Variants in PARP4 observed in about 807,000 individuals in gnomAD.
PARP4 encodes protein mono-ADP-ribosyltransferase PARP4.
PARP4 carries 120 observed loss-of-function variants against 187.7 expected under a neutral mutation model. The ratio of observed to expected loss-of-function variants is 0.64; its 90% CI spans 0.55 to 0.74. The LOEUF (loss-of-function observed/expected upper bound fraction) is 0.74, where lower values mean the gene tolerates loss of function less well. PARP4 is among the 30% of genes least tolerant of loss of function. The pLI is 0.00. For synonymous variants in PARP4, 654 were observed against 740.9 expected, an observed-to-expected ratio of 0.88 and a Z score of 1.90; for missense variants, 1,836 against 2,070.5, an observed-to-expected ratio of 0.89 and a Z score of 2.20.
intron 30 of PARP4, among the ~76,000 whole-genome samples, chr13:24,439,498 A>G (rs9318540): frequency 0.94 from 143,002 of 152,216 alleles, 67,302 homozygotes; most frequent in East Asian, 0.99. Context: ...AACACTTAAC[A>G]TATGTAGCAG....
In PARP4 at chr13:24,459,264, C is replaced by T. The variant is rs1242196330; in HGVS notation, c.2345G>A (p.Ser782Asn). ...ICIKEIGTKQSFSLTMSIEMP... is the reference protein window; with the variant it reads ...ICIKEIGTKQNFSLTMSIEMP... The stretch of plus-strand genomic sequence containing the variant: ...CAGGTTTTATATTTTAGGTACTAAC[C>T]TTTGCTTTGTTCCTATTTCTTTTAT... Residue 782 changes from serine (S) to asparagine (N), a missense_variant and splice_region_variant, in exon 19 of 34, where the codon AGC (serine) becomes AAC (asparagine). Transcript: ENST00000381989. 1.3e-6 allele frequency: 2 copies of T among 1,587,854 alleles called. No homozygotes were observed. The highest frequency in any genetic ancestry group is 2.2e-5 in the East Asian group (1 of 44,658).
At position 24,498,377 on chromosome 13, in the gene PARP4, A is replaced by G. The variant is rs185095924; in HGVS notation, c.478-148T>C. On this transcript the variant is annotated intron_variant, in intron 5 of 33. Transcript: ENST00000381989. ...GAAAAGTATCAAGAAGAAAATTAAA[A>G]TCTCCTAAAATCCCGAGAGCAATAC... The G allele has an allele frequency of 9.7e-5, 56 of 577,914 alleles. 1 individual carries two copies. Among genetic ancestry groups the G allele is most frequent in the South Asian group, 7.6e-4 (33 of 43,660 alleles). The allele number at this position is 577,914 out of a possible 1,614,324, so 35.8% of individuals were successfully genotyped here. A position where few individuals can be genotyped will look rare whatever the true frequency, so the allele number is the denominator to read the frequency against.
chr13:24,507,231 C>A (rs1869761426), intron 1 of PARP4, among the ~76,000 whole-genome samples: 1 of 152,234 alleles, frequency 6.6e-6, no homozygotes, highest in African/African-American at 2.4e-5. Flanking sequence ...CAGAAAGGGG[C>A]TCCCACAGTG....
At chr13:24,458,001 A>G (rs1871975328) in intron 20 of PARP4, among the ~76,000 whole-genome samples, 1 of 152,082 alleles carries the variant, frequency 6.6e-6, no homozygotes, top group Non-Finnish European at 1.5e-5. Context: ...TGGGTGTGGT[A>G]GCTCACACCT....
At chr13:24,498,064 A>C (rs1869051336) in intron 6 of PARP4, 52 bp downstream of exon 6, 3 of 1,258,974 alleles carry the variant, frequency 2.4e-6, no homozygotes, top group Non-Finnish European at 3.5e-6. Context: ...CATTGAAATG[A>C]GTTATGAACA....
intron 1 of PARP4, among the ~76,000 whole-genome samples, chr13:24,504,332 G>C (rs7324258): frequency 0.34 from 29,052 of 84,604 alleles, 3,784 homozygotes; most frequent in South Asian, 0.49. Context: ...TTTTTTTTTG[G>C]AGACGGAATC....
intron 33 of PARP4, among the ~76,000 whole-genome samples, chr13:24,421,577 C>T (rs1157535156): frequency 1.3e-5 from 2 of 152,282 alleles, no homozygotes; most frequent in African/African-American, 2.4e-5. Context: ...GCACAGCTCA[C>T]GTTCCAGCCG....
chr13:24,429,518 G>C (rs1412258378), intron 32 of PARP4, among the ~76,000 whole-genome samples: 6 of 152,172 alleles, frequency 3.9e-5, no homozygotes, highest in Admixed American at 3.9e-4. Context: ...ATTAGGATGG[G>C]TCTATTTTGG....
At chr13:24,473,907 C>T (rs1037861798) in intron 15 of PARP4, among the ~76,000 whole-genome samples, 19 of 152,164 alleles carry the variant, frequency 1.2e-4, no homozygotes, top group East Asian at 7.7e-4. Context: ...TCCTCCCCTA[C>T]GTCTCCACGT....
chr13:24,421,071 T>C lies in PARP4; in HGVS notation c.*48A>G. 7.5e-7 allele frequency: 1 copy of C among 1,330,800 alleles called. No individual in the cohort carries two copies. Among genetic ancestry groups the C allele is most frequent in the South Asian group, 1.5e-5 (1 of 66,130 alleles). The allele number at this position is 1,330,800 out of a possible 1,614,324, so 82.4% of individuals were successfully genotyped here. A position where few individuals can be genotyped will look rare whatever the true frequency, so the allele number is the denominator to read the frequency against. The stretch of plus-strand genomic sequence containing the variant: ...TAAGTATCTATTATCATTTGATTAT[T>C]TTCTACATAGAAGCATGCAAAAAGT... On this transcript the variant is annotated 3_prime_UTR_variant, in exon 34 of 34. Coordinates refer to ENST00000381989, the MANE Select transcript of PARP4 (RefSeq NM_006437.4).
chr13:24,494,800 G>A, intron 6 of PARP4, 78 bp from the exon 7 acceptor site: 1 of 854,708 alleles, frequency 1.2e-6, no homozygotes, highest in South Asian at 1.9e-5. Flanking sequence ...AAAGCAGTAG[G>A]TCCTTGACAT....
At chr13:24,466,703 G>T (rs1203382698) in intron 17 of PARP4, among the ~76,000 whole-genome samples, 3 of 149,626 alleles carry the variant, frequency 2.0e-5, no homozygotes, top group African/African-American at 7.4e-5. Context: ...GCTGGGGCAG[G>T]AGAATCGCTC....
chr13:24,441,173 A>G (rs1870907619), intron 30 of PARP4, among the ~76,000 whole-genome samples: 2 of 152,000 alleles, frequency 1.3e-5, no homozygotes, highest in Non-Finnish European at 2.9e-5. Flanking sequence ...TGCCCGCCCT[A>G]AAAGACTTTT....
intron 17 of PARP4, among the ~76,000 whole-genome samples, chr13:24,465,835 A>T (rs1460425005): frequency 6.6e-6 from 1 of 152,250 alleles, no homozygotes; most frequent in African/African-American, 2.4e-5. Flanking sequence ...ATATGAAGAA[A>T]TAAAACACAC....
In PARP4 at chr13:24,452,495, C is replaced by A. The variant is rs1005957850; in HGVS notation, c.2925G>T (p.Val975=). Residue 975 remains valine, a synonymous_variant, in exon 24 of 34, where the codon GTG becomes GTT. Transcript: ENST00000381989. The part of the protein sequence containing the change: ...PARGSRNILL[V]SDGHLQDESL... The stretch of plus-strand genomic sequence containing the variant: ...TCTCATCCTGGAGGTGCCCATCAGA[C>A]ACCAGGAGGATGTTCCGTGACCCTC... 1 of 1,614,034 alleles carries A rather than the reference C, an allele frequency of 6.2e-7. No individual in the cohort carries two copies. Among genetic ancestry groups the A allele is most frequent in the African/African-American group, 1.3e-5 (1 of 74,924 alleles).
chr13:24,433,054 G>GA (rs113297633), intron 31 of PARP4, among the ~76,000 whole-genome samples: 9 of 152,236 alleles, frequency 5.9e-5, no homozygotes, highest in African/African-American at 1.4e-4. Flanking sequence ...CTATTGTTGG[G>GA]AAAAAGCTGA....
intron 6 of PARP4, among the ~76,000 whole-genome samples, chr13:24,496,340 T>C: frequency 6.6e-6 from 1 of 152,210 alleles, no homozygotes; most frequent in Non-Finnish European, 1.5e-5. Context: ...TTTCTAGCTC[T>C]GTTCCCATGG....
At position 24,488,534 on chromosome 13, in the gene PARP4, A is replaced by G. The variant is rs573104429; in HGVS notation, c.1214+2134T>C. On this transcript the variant is annotated intron_variant, in intron 10 of 33. Transcript: ENST00000381989. Reference sequence around the variant, plus strand: ...ATGCCCGGCTAATTTTTGTATTTTTAGTTGAGACAGGGTTTCACCATGTTG... The same window carrying G: ...ATGCCCGGCTAATTTTTGTATTTTTGGTTGAGACAGGGTTTCACCATGTTG... Among the ~76,000 whole-genome samples, 625 of 151,670 alleles carry G rather than the reference A, an allele frequency of 4.1e-3. 3 individuals are homozygous for G. Among genetic ancestry groups the G allele is most frequent in the South Asian group, 0.013 (63 of 4,792 alleles).
At chr13:24,480,536 A>C (rs779781393) in intron 12 of PARP4, among the ~76,000 whole-genome samples, 2 of 152,252 alleles carry the variant, frequency 1.3e-5, no homozygotes, top group Non-Finnish European at 2.9e-5. Flanking sequence ...GTAAAGAAAC[A>C]ATTTTTGAAG....
Sources: allele counts gnomAD v4.1 joint callset (sites outside exome capture counted in the v4.1 genomes callset), GRCh38; gene constraint gnomAD v4.1.1; transcripts MANE v1.5; gene names NCBI Gene and HGNC (gene_info 2026-07-23, HGNC 2026-07-21).